The following NCEH1 variants were observed in gnomAD, a reference collection of about 807,000 sequenced individuals.
NCEH1 encodes neutral cholesterol ester hydrolase 1.
A neutral mutation model predicts 25.4 loss-of-function variants in NCEH1; 9 were observed. The ratio of observed to expected loss-of-function variants is 0.35; its 90% CI spans 0.21 to 0.62. NCEH1 has a LOEUF of 0.62. NCEH1 is among the 20% of genes least tolerant of loss of function. The pLI is 0.72. For missense variants in NCEH1, 412 were observed against 501.1 expected, an observed-to-expected ratio of 0.82 and a Z score of 1.70; for synonymous variants, 200 against 199.8, an observed-to-expected ratio of 1.00 and a Z score of -0.01.
rs147779888 is a variant in NCEH1 at position 172,648,031 on chromosome 3, C to T, written c.222G>A (p.Ala74=). The stretch of plus-strand genomic sequence containing the variant: ...TCACCTTCACTTGGGCAGAAGACCA[C>T]GCGCTTTTTTTGCCAAAAGAAACAA... ...FIIVSFGKKS[A]WSSAQVKVTD... is the part of the protein sequence containing the mutation. The change falls in exon 2 of 5, where the codon GCG becomes GCA. Residue 74 remains alanine (A), a synonymous_variant. Coordinates refer to ENST00000475381, the MANE Select transcript of NCEH1 (RefSeq NM_020792.6). 3.0e-4 allele frequency: 490 copies of T among 1,614,144 alleles called. 1 individual carries two copies. Among genetic ancestry groups the T allele is most frequent in the Admixed American group, 7.3e-4 (44 of 60,008 alleles).
chr3:172,665,858 G>A (rs1185682288), intron 1 of NCEH1, among the ~76,000 whole-genome samples: 1 of 152,166 alleles, frequency 6.6e-6, no homozygotes, highest in Non-Finnish European at 1.5e-5. Flanking sequence ...TATTAGGGTG[G>A]GAATGTCCCG....
chr3:172,693,285 A>G (rs1018419572), intron 1 of NCEH1, among the ~76,000 whole-genome samples: 1 of 152,228 alleles, frequency 6.6e-6, no homozygotes, highest in African/African-American at 2.4e-5. Flanking sequence ...AACAAAATAT[A>G]AGACTATATG....
chr3:172,710,952 C>T lies in NCEH1; in HGVS notation c.33G>A (p.Leu11=), dbSNP rs183518845. 54 of 1,614,170 alleles carry T rather than the reference C, an allele frequency of 3.3e-5. No homozygotes were observed. The East Asian group carries it at 1.1e-3, about 33-fold the overall frequency. The change falls in exon 1 of 5, where the codon CTG becomes CTA. Residue 11 remains leucine (L), a synonymous_variant. Transcript: ENST00000475381. MRSSCVLLTA[L]VALAAYYVYI... The stretch of plus-strand genomic sequence containing the variant: ...AGACGTAATAGGCGGCCAGCGCCAC[C>T]AGGGCGGTGAGCAGGACACAGGACG...
At chr3:172,656,263 C>T (rs1449986665) in intron 1 of NCEH1, among the ~76,000 whole-genome samples, 2 of 152,084 alleles carry the variant, frequency 1.3e-5, no homozygotes, top group East Asian at 3.8e-4. Context: ...TGGGAAAGAG[C>T]TTGTCAAGAG....
rs141870427 is a variant in NCEH1 at position 172,648,004 on chromosome 3, G to A, written c.249C>T (p.Thr83=). Residue 83 remains threonine (T), a synonymous_variant, in exon 2 of 5, where the codon ACC becomes ACT. Transcript: ENST00000475381. ...SAWSSAQVKV[T]DTDFDGVEVR... ...CTTCCACACCATCAAAGTCTGTGTC[G>A]GTCACCTTCACTTGGGCAGAAGACC... 3,079 of 1,614,094 alleles carry A rather than the reference G, an allele frequency of 1.9e-3. 33 individuals carry two copies. Among genetic ancestry groups the A allele is most frequent in the South Asian group, 0.014 (1,238 of 91,072 alleles).
At chr3:172,708,336 T>C (rs1377742625) in intron 1 of NCEH1, among the ~76,000 whole-genome samples, 2 of 152,172 alleles carry the variant, frequency 1.3e-5, no homozygotes, top group Non-Finnish European at 2.9e-5. Flanking sequence ...AGTAACGAGG[T>C]TGACACCATG....
At chr3:172,648,253 A>G in intron 1 of NCEH1, 139 bp from the exon 2 acceptor site, 1 of 951,574 alleles carries the variant, frequency 1.1e-6, no homozygotes. Context: ...CTTTTAATAC[A>G]AAAACCAATT....
chr3:172,701,594 C>T (rs1223340553), intron 1 of NCEH1, among the ~76,000 whole-genome samples: 23 of 149,796 alleles, frequency 1.5e-4, no homozygotes, highest in Admixed American at 6.7e-4. Context: ...GGACTACAGA[C>T]GCGTGCCACC....
At chr3:172,637,389 T>C (rs1301928017) in intron 3 of NCEH1, among the ~76,000 whole-genome samples, 1 of 152,236 alleles carries the variant, frequency 6.6e-6, no homozygotes, top group South Asian at 2.1e-4. Context: ...ATAATTAGCA[T>C]ACTTATTTTC....
Position 172,647,949 on chromosome 3 carries a change from C to T in NCEH1, c.304G>A (p.Glu102Lys), listed in dbSNP as rs545160126. The stretch of plus-strand genomic sequence containing the variant: ...ACGACGCTGCGTTTCAGTGGCTCTT[C>T]GGGCTTCGGAGGGCCTTCAAACACT... ...VRVFEGPPKP[E>K]EPLKRSVVYI... The change falls in exon 2 of 5, where the codon GAA becomes AAA. Residue 102 changes from glutamate to lysine, a missense_variant. This residue lies in a region of NCEH1 where 178 missense variants were observed against 189.2 expected (regional missense o/e 0.94). Transcript: ENST00000475381. 8.6e-5 allele frequency: 139 copies of T among 1,614,178 alleles called. No homozygotes were observed. The highest frequency in any genetic ancestry group is 1.7e-4 in the Admixed American group (10 of 60,020).
At chr3:172,690,416 A>T (rs1712971082) in intron 1 of NCEH1, among the ~76,000 whole-genome samples, 1 of 152,248 alleles carries the variant, frequency 6.6e-6, no homozygotes, top group South Asian at 2.1e-4. Flanking sequence ...TAACAAGTTA[A>T]AAAAATCGAT....
chr3:172,682,430 G>A (rs906456151), intron 1 of NCEH1, among the ~76,000 whole-genome samples: 12 of 152,078 alleles, frequency 7.9e-5, no homozygotes, highest in African/African-American at 2.7e-4. Flanking sequence ...ATAAGTCCTG[G>A]GTCTGGGGGG....
rs1163297360 is a variant in NCEH1 at position 172,632,228 on chromosome 3, A to T, written c.*1247T>A. Reference sequence around the variant, plus strand: ...TTATTTTAACTTGTATATGCATATAAACACGAAAATATTTATGCCTATGTT... The same window carrying T: ...TTATTTTAACTTGTATATGCATATATACACGAAAATATTTATGCCTATGTT... On this transcript the variant is annotated 3_prime_UTR_variant, in exon 5 of 5. Transcript: ENST00000475381. The T allele has an allele frequency of 6.6e-6, 1 of 152,232 alleles. No homozygotes were observed. Among genetic ancestry groups the T allele is most frequent in the Non-Finnish European group, 1.5e-5 (1 of 68,042 alleles). The allele number at this position is 152,232 out of a possible 1,614,324, so 9.4% of individuals were successfully genotyped here. A position where few individuals can be genotyped will look rare whatever the true frequency, so the allele number is the denominator to read the frequency against.
intron 1 of NCEH1, among the ~76,000 whole-genome samples, chr3:172,709,537 G>A (rs1203475577): frequency 6.6e-6 from 1 of 152,184 alleles, no homozygotes; most frequent in East Asian, 1.9e-4. Context: ...GGGGGCAGGG[G>A]TCTATAGCTT....
intron 1 of NCEH1, among the ~76,000 whole-genome samples, chr3:172,666,050 C>A (rs894766363): frequency 6.6e-6 from 1 of 152,194 alleles, no homozygotes; most frequent in African/African-American, 2.4e-5. Context: ...GCAGAAATCA[C>A]CCATCTTCTG....
intron 1 of NCEH1, among the ~76,000 whole-genome samples, chr3:172,654,259 A>C (rs1717591816): frequency 6.6e-6 from 1 of 152,222 alleles, no homozygotes; most frequent in South Asian, 2.1e-4. Flanking sequence ...GCAAATGACC[A>C]AACCTCTCTG....
chr3:172,664,774 C>T (rs566063010), intron 1 of NCEH1, among the ~76,000 whole-genome samples: 89 of 152,284 alleles, frequency 5.8e-4, no homozygotes, highest in Non-Finnish European at 8.8e-4. Flanking sequence ...GTGCATGTGT[C>T]ACGTAGTTCT....
chr3:172,656,420 T>C (rs779897763), intron 1 of NCEH1, among the ~76,000 whole-genome samples: 1 of 152,212 alleles, frequency 6.6e-6, no homozygotes, highest in Non-Finnish European at 1.5e-5. Flanking sequence ...GATATATCTC[T>C]AAATAGAATT....
At chr3:172,638,481 T>C (rs752292302) in intron 3 of NCEH1, among the ~76,000 whole-genome samples, 6 of 143,868 alleles carry the variant, frequency 4.2e-5, no homozygotes, top group Non-Finnish European at 7.5e-5. Context: ...AAAAGTAGAA[T>C]TACGCAGTTT....
Sources: gnomAD v4.1 joint callset for allele counts (sites outside exome capture counted in the v4.1 genomes callset) on GRCh38, gnomAD v4.1.1 for gene constraint, gnomAD v4.1.1 regional missense constraint, MANE v1.5 for transcripts, NCBI Gene and HGNC (gene_info 2026-07-23, HGNC 2026-07-21) for gene names.